SORBS2: variants seen among roughly 807,000 people sequenced by gnomAD.
The protein encoded by SORBS2 is sorbin and SH3 domain-containing protein 2.
Under a neutral mutation model 97.7 loss-of-function variants are expected in SORBS2, and 46 were observed. That is an observed-to-expected ratio of 0.47 (90% CI 0.37 to 0.60). SORBS2 has a LOEUF of 0.60. SORBS2 is among the 20% of genes least tolerant of loss of function. The probability of loss-of-function intolerance (pLI) is 0.00; values close to 1 mark genes in which losing one functional copy is unlikely to be tolerated. For synonymous variants in SORBS2, 476 were observed against 473.4 expected (o/e 1.01, Z -0.07); for missense variants, 1,316 against 1,282.3 (o/e 1.03, Z -0.40).
chr4:185,802,002 T>C (rs534758185), intron 1 of SORBS2, among the ~76,000 whole-genome samples: 55 of 152,330 alleles, frequency 3.6e-4, no homozygotes, highest in Non-Finnish European at 7.4e-5. Flanking sequence ...CTACAAAGCT[T>C]GCTTTTCCAC....
At chr4:185,720,463 C>T (rs1399977327) in intron 2 of SORBS2, among the ~76,000 whole-genome samples, 2 of 152,164 alleles carry the variant, frequency 1.3e-5, no homozygotes, top group Non-Finnish European at 2.9e-5. Context: ...GGCACTGTAA[C>T]CCAGTAGATC....
At chr4:185,852,876 C>T (rs567084089) in intron 1 of SORBS2, among the ~76,000 whole-genome samples, 65 of 152,250 alleles carry the variant, frequency 4.3e-4, no homozygotes, top group Admixed American at 7.9e-4. Context: ...TTTACCACCA[C>T]GCAAATCACC....
At chr4:185,786,257 A>G (rs2099055880) in intron 1 of SORBS2, among the ~76,000 whole-genome samples, 1 of 152,216 alleles carries the variant, frequency 6.6e-6, no homozygotes, top group Admixed American at 6.5e-5. Context: ...TGATTGACAT[A>G]ACAGTCTCCT....
intron 1 of SORBS2, chr4:185,894,238 G>T (rs1015213048): frequency 2.1e-5 from 3 of 141,398 alleles, no homozygotes; most frequent in African/African-American, 8.1e-5. Flanking sequence ...AAGAGCAAAA[G>T]GATCAAACAC....
At chr4:185,636,750 G>A (rs535729319) in intron 4 of SORBS2, among the ~76,000 whole-genome samples, 61 of 151,582 alleles carry the variant, frequency 4.0e-4, no homozygotes, top group African/African-American at 1.3e-3. Context: ...CCAGGTTCAA[G>A]CGATTCTCCT....
chr4:185,872,868 G>A (rs979288555), intron 1 of SORBS2, among the ~76,000 whole-genome samples: 4 of 152,160 alleles, frequency 2.6e-5, no homozygotes, highest in East Asian at 1.9e-4. Flanking sequence ...GGAGGACAGC[G>A]GCTGCTGTGA....
intron 2 of SORBS2, among the ~76,000 whole-genome samples, chr4:185,706,769 T>G (rs1426933655): frequency 6.6e-6 from 1 of 152,246 alleles, no homozygotes; most frequent in Non-Finnish European, 1.5e-5. Context: ...GTTGTTTTAA[T>G]CTTTATAATG....
intron 1 of SORBS2, among the ~76,000 whole-genome samples, chr4:185,877,713 T>C (rs576379788): frequency 1.8e-4 from 28 of 151,470 alleles, no homozygotes; most frequent in South Asian, 1.7e-3. Context: ...CTAAAAAAAA[T>C]ACAAAAAATT....
At chr4:185,754,108 C>T (rs2098817037) in intron 2 of SORBS2, among the ~76,000 whole-genome samples, 1 of 151,382 alleles carries the variant, frequency 6.6e-6, no homozygotes, top group African/African-American at 2.4e-5. Context: ...CCATGGAATA[C>T]CATGCAGCCA....
intron 2 of SORBS2, chr4:185,770,975 C>CTTTTTTTTTTTTTTTTTT (rs747070975): frequency 2.8e-5 from 2 of 72,726 alleles, no homozygotes; most frequent in Admixed American, 1.9e-4. Flanking sequence ...TCATCGTTTC[C>CTTTTTTTTTTTTTTTTTT]TTTTTTTTTT....
At chr4:185,804,022 G>A (rs983039025) in intron 1 of SORBS2, among the ~76,000 whole-genome samples, 3 of 152,194 alleles carry the variant, frequency 2.0e-5, no homozygotes, top group Non-Finnish European at 4.4e-5. Flanking sequence ...TGGTTTAAAT[G>A]AGCCAAATCA....
At chr4:185,637,785 T>A (rs79777096) in intron 4 of SORBS2, among the ~76,000 whole-genome samples, 1 of 152,248 alleles carries the variant, frequency 6.6e-6, no homozygotes, top group East Asian at 1.9e-4. Flanking sequence ...TCTATACAGC[T>A]GTAATAATTG....
intron 2 of SORBS2, among the ~76,000 whole-genome samples, chr4:185,722,927 AG>A (rs1407342752): frequency 1.3e-5 from 2 of 152,154 alleles, no homozygotes; most frequent in Admixed American, 1.3e-4. Context: ...AGTGGGAAGA[AG>A]GCAAACATCT....
At chr4:185,866,838 A>T (rs2099227149) in intron 1 of SORBS2, among the ~76,000 whole-genome samples, 4 of 152,224 alleles carry the variant, frequency 2.6e-5, no homozygotes, top group South Asian at 4.1e-4. Context: ...CTTAATACAA[A>T]TTGCTTGTTT....
chr4:185,591,800 G>T (rs1022130555), intron 13 of SORBS2: 1 of 152,162 alleles, frequency 6.6e-6, no homozygotes, highest in African/African-American at 2.4e-5. Flanking sequence ...GAATCTCAAG[G>T]TCTCAGAGCT....
intron 2 of SORBS2, among the ~76,000 whole-genome samples, chr4:185,756,021 G>T (rs1356577793): frequency 1.3e-5 from 2 of 152,196 alleles, no homozygotes; most frequent in African/African-American, 4.8e-5. Context: ...CCATAAAATT[G>T]AGGTAACTTG....
intron 1 of SORBS2, among the ~76,000 whole-genome samples, chr4:185,897,148 T>C (rs1034896547): frequency 6.6e-6 from 1 of 152,200 alleles, no homozygotes; most frequent in Admixed American, 6.5e-5. Flanking sequence ...ACCGTCACAG[T>C]AACCACAACC....
rs1288748201 is a variant in SORBS2, at chr4:185,868,147, C to CTTTCTTTCTTTTTTTTTTTTTTTTTTTTT, written c.-338+88048_-338+88049insAAAAAAAAAAAAAAAAAAAAAGAAAGAAA. Among the ~76,000 whole-genome samples the CTTTCTTTCTTTTTTTTTTTTTTTTTTTTT allele has an allele frequency of 8.1e-4, 73 of 89,776 alleles. 6 individuals are homozygous for CTTTCTTTCTTTTTTTTTTTTTTTTTTTTT. Among genetic ancestry groups the CTTTCTTTCTTTTTTTTTTTTTTTTTTTTT allele is most frequent in the African/African-American group, 1.5e-3 (31 of 21,006 alleles). 58.9% of individuals were successfully genotyped at this position (89,776 alleles called of 152,430 possible). On this transcript the variant is annotated intron_variant, in intron 1 of 20. Coordinates refer to the SORBS2 transcript ENST00000284776. Reference sequence around the variant, plus strand: ...TCTACTTTCCTTTCTCTTTTCTTTTCTTTTTTTCTTTCTTTTTTTTTTTTT... The same window carrying CTTTCTTTCTTTTTTTTTTTTTTTTTTTTT: ...TCTACTTTCCTTTCTCTTTTCTTTTCTTTCTTTCTTTTTTTTTTTTTTTTTTTTTTTTTTTTCTTTCTTTTTTTTTTTTT...
intron 2 of SORBS2, among the ~76,000 whole-genome samples, chr4:185,750,776 G>A (rs2098793862): frequency 6.6e-6 from 1 of 152,110 alleles, no homozygotes; most frequent in Admixed American, 6.5e-5. Context: ...AGAAAACTGG[G>A]CTCTTGATTT....
Sources: allele counts gnomAD v4.1 joint callset (sites outside exome capture counted in the v4.1 genomes callset), GRCh38; gene constraint gnomAD v4.1.1; transcripts MANE v1.5; gene names NCBI Gene and HGNC (gene_info 2026-07-23, HGNC 2026-07-21).